PDZD2: variants seen among roughly 807,000 people sequenced by gnomAD.
The protein encoded by PDZD2 is PDZ domain-containing protein 2.
PDZD2 carries 90 observed loss-of-function variants against 220.7 expected under a neutral mutation model. That is an observed-to-expected ratio of 0.41 (90% CI 0.34 to 0.49). The LOEUF is 0.49. Ranked by LOEUF, PDZD2 falls within the 20% of genes least tolerant of loss-of-function variation. The pLI is 0.28. For synonymous variants in PDZD2, 1,375 were observed against 1,450.5 expected (o/e 0.95, Z 1.18); for missense variants, 3,174 against 3,608.5 (o/e 0.88, Z 3.08).
chr5:31,865,748 C>T (rs1362043850), intron 2 of PDZD2, among the ~76,000 whole-genome samples: 2 of 148,548 alleles, frequency 1.3e-5, no homozygotes, highest in South Asian at 2.2e-4. Context: ...TCTCCTGCCT[C>T]AGCCTCCCAA....
chr5:31,804,585 A>C (rs1316823396), intron 2 of PDZD2, among the ~76,000 whole-genome samples: 3 of 152,124 alleles, frequency 2.0e-5, no homozygotes, highest in Non-Finnish European at 4.4e-5. Context: ...TAAGAGGCAA[A>C]ATTAGATTTG....
chr5:31,891,297 C>T (rs190050852), intron 2 of PDZD2, among the ~76,000 whole-genome samples: 48 of 151,978 alleles, frequency 3.2e-4, no homozygotes, highest in Non-Finnish European at 5.3e-4. Context: ...CCACCATGCC[C>T]GGCTAATTTT....
chr5:32,092,152 T>TA (rs1407751374), intron 20 of PDZD2, among the ~76,000 whole-genome samples: 1 of 150,920 alleles, frequency 6.6e-6, no homozygotes, highest in Non-Finnish European at 1.5e-5. Flanking sequence ...CAGGCGCCTG[T>TA]AATCCCACCT....
In PDZD2 at chr5:32,071,388, C is replaced by G; in HGVS notation, c.2538C>G (p.Thr846=). The stretch of plus-strand genomic sequence containing the variant: ...GGTGAATTTTCCCTCCAACAGGTAC[C>G]CCCTTGAAGAGTCCCTCTCTTGCAA... ...KEANSSPGLG[T]PLKSPSLAKK... The change falls in exon 16 of 25, where the codon ACC becomes ACG. Residue 846 remains threonine, a synonymous_variant. Coordinates refer to ENST00000438447, the MANE Select transcript of PDZD2 (RefSeq NM_178140.4). 1 of 1,607,340 alleles carries G rather than the reference C, an allele frequency of 6.2e-7. No individual in the cohort carries two copies. Among genetic ancestry groups the G allele is most frequent in the Middle Eastern group, 1.7e-4 (1 of 6,056 alleles).
intron 1 of PDZD2, among the ~76,000 whole-genome samples, chr5:31,724,602 CAAAAAAAA>C (rs35523154): frequency 1.6e-4 from 10 of 61,014 alleles, no homozygotes; most frequent in South Asian, 7.5e-4. Context: ...AATTCCGTCT[CAAAAAAAA>C]AAAAAAAAAA....
chr5:31,910,053 C>T (rs1388987966), intron 2 of PDZD2, among the ~76,000 whole-genome samples: 2 of 152,062 alleles, frequency 1.3e-5, no homozygotes, highest in Non-Finnish European at 2.9e-5. Context: ...CATGTATTAA[C>T]TCGTTTATGC....
chr5:31,998,178 C>T (rs1751793128), intron 4 of PDZD2, among the ~76,000 whole-genome samples: 1 of 152,138 alleles, frequency 6.6e-6, no homozygotes, highest in South Asian at 2.1e-4. Context: ...GTTCTTGATT[C>T]CTCAATCCCT....
rs56394577 is a variant in PDZD2 at position 31,831,911 on chromosome 5, CAAAAAAA to C, written c.476+32204_476+32210del. On this transcript the variant is annotated intron_variant, in intron 2 of 24. Coordinates refer to ENST00000438447, the MANE Select transcript of PDZD2 (RefSeq NM_178140.4). ...CCTGGGTGACAGAGTGAGACTGTTT[CAAAAAAA>C]AAAAAAAAAAAAAAAAGAATAACGA... Among the ~76,000 whole-genome samples, 88 of 63,744 alleles carry C rather than the reference CAAAAAAA, an allele frequency of 1.4e-3. 1 individual carries two copies. The highest frequency in any genetic ancestry group is 4.9e-3 in the African/African-American group (73 of 14,790). The allele number at this position is 63,744 out of a possible 152,430, so 41.8% of individuals were successfully genotyped here.
chr5:31,878,555 CTTT>C (rs397884384), intron 2 of PDZD2, among the ~76,000 whole-genome samples: 27 of 48,196 alleles, frequency 5.6e-4, no homozygotes, highest in Admixed American at 1.7e-3. Flanking sequence ...ATGACCTCGG[CTTT>C]TTTTTTTTTT....
intron 2 of PDZD2, among the ~76,000 whole-genome samples, chr5:31,951,671 G>C (rs571205364): frequency 6.6e-6 from 1 of 152,278 alleles, no homozygotes; most frequent in Admixed American, 6.5e-5. Flanking sequence ...TGGTTTATCT[G>C]TTTGCTCTTA....
chr5:31,802,919 CAAAAAAAAAAA>C (rs34901917), intron 2 of PDZD2, among the ~76,000 whole-genome samples: 2 of 56,184 alleles, frequency 3.6e-5, no homozygotes, highest in East Asian at 5.2e-4. Flanking sequence ...GACTCTGTCT[CAAAAAAAAAAA>C]AAAAAAAAAA....
chr5:32,002,400 G>A (rs184345504), intron 5 of PDZD2, among the ~76,000 whole-genome samples: 1 of 152,210 alleles, frequency 6.6e-6, no homozygotes, highest in East Asian at 1.9e-4. Context: ...GCGTCTGCCT[G>A]TGGGCTGTCT....
At chr5:31,768,682 A>T (rs937234018) in intron 1 of PDZD2, among the ~76,000 whole-genome samples, 1 of 151,140 alleles carries the variant, frequency 6.6e-6, no homozygotes. Context: ...TCAGGACTTC[A>T]GCAGTGATGA....
chr5:31,821,647 G>A lies in PDZD2; in HGVS notation c.476+21923G>A, dbSNP rs183963684. Among the ~76,000 whole-genome samples the A allele has an allele frequency of 5.0e-3, 767 of 152,224 alleles. 6 individuals carry two copies. The highest frequency in any genetic ancestry group is 0.018 in the African/African-American group (729 of 41,556). ...ACCCGCCTCGGCCTCCCAAAGTGCT[G>A]GGGTTACAGGCGTGAGCCACTGTGC... On this transcript the variant is annotated intron_variant, in intron 2 of 24. Transcript: ENST00000438447.
chr5:32,089,468 C>G lies in PDZD2; in HGVS notation c.6020C>G (p.Ser2007Cys). Residue 2007 changes from serine to cysteine, a missense_variant, in exon 20 of 25, where the codon TCT (serine) becomes TGT (cysteine). By Grantham distance (112) the Ser-to-Cys change is moderately radical. This residue lies in a region of PDZD2 where 1,861 missense variants were observed against 2,001.0 expected (regional missense o/e 0.93). Coordinates refer to ENST00000438447, the MANE Select transcript of PDZD2 (RefSeq NM_178140.4). Reference protein sequence around the residue: ...MWSRFHMAVLSEPDRGCPTTP... With the variant: ...MWSRFHMAVLCEPDRGCPTTP... Reference sequence around the variant, plus strand: ...AGCAGGTTCCACATGGCTGTCCTCTCTGAACCCGACAGAGGTTGCCCAACC... The same window carrying G: ...AGCAGGTTCCACATGGCTGTCCTCTGTGAACCCGACAGAGGTTGCCCAACC... The G allele has an allele frequency of 6.2e-7, 1 of 1,613,824 alleles. No homozygotes were observed. Among genetic ancestry groups the G allele is most frequent in the South Asian group, 1.1e-5 (1 of 91,088 alleles).
At chr5:31,972,074 T>G (rs953298019) in intron 2 of PDZD2, among the ~76,000 whole-genome samples, 29 of 152,296 alleles carry the variant, frequency 1.9e-4, no homozygotes, top group African/African-American at 7.0e-4. Context: ...AATTTAAAAT[T>G]TCAACCTGAC....
chr5:31,824,375 T>C (rs1756084947), intron 2 of PDZD2, among the ~76,000 whole-genome samples: 1 of 129,480 alleles, frequency 7.7e-6, no homozygotes, highest in Non-Finnish European at 1.7e-5. Flanking sequence ...TGCAATTTAG[T>C]ACTTGATCCC....
chr5:31,934,792 A>T (rs931442938), intron 2 of PDZD2, among the ~76,000 whole-genome samples: 1 of 152,018 alleles, frequency 6.6e-6, no homozygotes, highest in Admixed American at 6.6e-5. Flanking sequence ...ATACTAAAAA[A>T]CACCAAAAAT....
Position 31,983,638 on chromosome 5 carries a change from G to A in PDZD2, c.960G>A (p.Ser320=), listed in dbSNP as rs150752453. The change falls in exon 3 of 25, where the codon TCG becomes TCA. Residue 320 remains serine, a synonymous_variant. Transcript: ENST00000438447. ...FSKGGKTDFQ[S]SDCLAREEVG... is the part of the protein sequence containing the mutation. ...AAGGTGGGAAGACGGACTTCCAATCGAGTGACTGCCTGGCACGGGTAAGGT... is the reference window on the plus strand; with the variant it reads ...AAGGTGGGAAGACGGACTTCCAATCAAGTGACTGCCTGGCACGGGTAAGGT... The A allele has an allele frequency of 8.4e-5, 136 of 1,613,368 alleles. No homozygotes were observed. Among genetic ancestry groups the A allele is most frequent in the Non-Finnish European group, 1.0e-4 (119 of 1,179,532 alleles).
Sources: gnomAD v4.1 joint callset for allele counts (sites outside exome capture counted in the v4.1 genomes callset) on GRCh38, gnomAD v4.1.1 for gene constraint, gnomAD v4.1.1 regional missense constraint, MANE v1.5 for transcripts, NCBI Gene and HGNC (gene_info 2026-07-23, HGNC 2026-07-21) for gene names.